Variants in DOCK3 observed in about 807,000 individuals in gnomAD.
DOCK3 encodes dedicator of cytokinesis 3.
A neutral mutation model predicts 265.6 loss-of-function variants in DOCK3; 60 were observed. The observed-to-expected ratio is 0.23, with a 90% CI of 0.18 to 0.28. The LOEUF (loss-of-function observed/expected upper bound fraction) is 0.28, where lower values mean the gene tolerates loss of function less well. Ranked by LOEUF, DOCK3 falls within the 10% of genes least tolerant of loss-of-function variation. The pLI is 1.00. For missense variants in DOCK3, 1,981 were observed against 2,594.3 expected (o/e 0.76, Z 5.14); for synonymous variants, 881 against 938.0 (o/e 0.94, Z 1.11).
At chr3:50,991,678 C>G (rs1405781233) in intron 5 of DOCK3, among the ~76,000 whole-genome samples, 1 of 152,088 alleles carries the variant, frequency 6.6e-6, no homozygotes, top group African/African-American at 2.4e-5. Context: ...TTAGACAGAT[C>G]ATTGAGGCAG....
In DOCK3 at chr3:50,707,697, G is replaced by A. The variant is rs145071312; in HGVS notation, c.37+32397G>A. On this transcript the variant is annotated intron_variant, in intron 1 of 52. Coordinates refer to ENST00000266037, the MANE Select transcript of DOCK3 (RefSeq NM_004947.5). ...GGGTCTGAGCTGGGTCAGTTCTTGG[G>A]CCTTCTGGTGTCATGCTCAGATGCT... Among the ~76,000 whole-genome samples the A allele has an allele frequency of 7.2e-4, 109 of 152,248 alleles. 2 individuals are homozygous for A. Among genetic ancestry groups the A allele is most frequent in the African/African-American group, 2.0e-3 (84 of 41,552 alleles).
At position 51,343,324 on chromosome 3, in the gene DOCK3, GGACT is replaced by G. The variant is rs367741690; in HGVS notation, c.3915+1941_3915+1944del. On this transcript the variant is annotated intron_variant, in intron 38 of 52. Coordinates refer to ENST00000266037, the MANE Select transcript of DOCK3 (RefSeq NM_004947.5). ...ACTACCCCCAAGAGCTGCCCCATAG[GGACT>G]GCTCATTTAGGTGATGATGGCCCCA... Among the ~76,000 whole-genome samples, 22 of 152,260 alleles carry G rather than the reference GGACT, an allele frequency of 1.4e-4. No homozygotes were observed. The East Asian group carries it at 3.7e-3, about 25-fold the overall frequency.
chr3:51,116,931 C>G (rs2083768619), intron 9 of DOCK3, among the ~76,000 whole-genome samples: 1 of 152,152 alleles, frequency 6.6e-6, no homozygotes, highest in Non-Finnish European at 1.5e-5. Flanking sequence ...GACTTCCTCT[C>G]TTTCCATTAG....
At chr3:51,171,094 A>G (rs549498457) in intron 12 of DOCK3, among the ~76,000 whole-genome samples, 1 of 151,288 alleles carries the variant, frequency 6.6e-6, no homozygotes, top group East Asian at 2.0e-4. Context: ...GTTAACTTTG[A>G]GCTTAGTTTG....
chr3:50,947,775 A>G (rs1024097303), intron 5 of DOCK3, among the ~76,000 whole-genome samples: 1 of 152,102 alleles, frequency 6.6e-6, no homozygotes, highest in Non-Finnish European at 1.5e-5. Context: ...GGAAGACTCA[A>G]TATGGTTAAG....
At chr3:51,002,376 T>C (rs111371307) in intron 5 of DOCK3, among the ~76,000 whole-genome samples, 1 of 152,304 alleles carries the variant, frequency 6.6e-6, no homozygotes, top group African/African-American at 2.4e-5. Flanking sequence ...TTGCAGATAT[T>C]TTCTCTTTGC....
At chr3:51,044,145 C>G (rs1210176849) in intron 5 of DOCK3, among the ~76,000 whole-genome samples, 1 of 152,112 alleles carries the variant, frequency 6.6e-6, no homozygotes, top group African/African-American at 2.4e-5. Context: ...CATTGTAGCA[C>G]TATTCACAAT....
At chr3:50,891,952 C>A (rs1433253619) in intron 4 of DOCK3, among the ~76,000 whole-genome samples, 1 of 152,036 alleles carries the variant, frequency 6.6e-6, no homozygotes. Context: ...AGTGATGTGG[C>A]TGTACATAAA....
chr3:51,043,735 GAAAA>G (rs922008656), intron 5 of DOCK3, among the ~76,000 whole-genome samples: 2 of 147,630 alleles, frequency 1.4e-5, no homozygotes, highest in African/African-American at 5.0e-5. Context: ...AAATTTACAA[GAAAA>G]AAAAACCCTT....
chr3:51,020,429 C>G (rs912161431), intron 5 of DOCK3, among the ~76,000 whole-genome samples: 1 of 151,766 alleles, frequency 6.6e-6, no homozygotes, highest in Non-Finnish European at 1.5e-5. Context: ...TGTCTGTTTA[C>G]TCTGATGATA....
At chr3:51,069,900 A>G (rs1413186717) in intron 6 of DOCK3, among the ~76,000 whole-genome samples, 1 of 152,222 alleles carries the variant, frequency 6.6e-6, no homozygotes, top group Non-Finnish European at 1.5e-5. Flanking sequence ...GATATTTTCC[A>G]GCGTTAGGAC....
chr3:50,975,097 T>A (rs905456717), intron 5 of DOCK3, among the ~76,000 whole-genome samples: 1 of 151,210 alleles, frequency 6.6e-6, no homozygotes, highest in African/African-American at 2.4e-5. Flanking sequence ...CAGGGACAAT[T>A]TGACTTCCTC....
chr3:50,871,328 T>TA (rs1486039145), intron 3 of DOCK3, among the ~76,000 whole-genome samples: 1 of 151,746 alleles, frequency 6.6e-6, no homozygotes, highest in Non-Finnish European at 1.5e-5. Flanking sequence ...GCACTTTAAA[T>TA]ATGTTATGCC....
intron 2 of DOCK3, chr3:50,787,938 T>C: frequency 1.9e-6 from 2 of 1,026,560 alleles, no homozygotes; most frequent in Non-Finnish European, 1.5e-6. Flanking sequence ...ATCTGCTCCC[T>C]TTTGTAAAAG....
At chr3:50,931,613 C>T (rs1422464000) in intron 4 of DOCK3, among the ~76,000 whole-genome samples, 1 of 152,220 alleles carries the variant, frequency 6.6e-6, no homozygotes, top group Non-Finnish European at 1.5e-5. Context: ...CATTAGCTTA[C>T]TCCTTTTCAT....
chr3:50,885,193 T>C (rs964961281), intron 3 of DOCK3, among the ~76,000 whole-genome samples: 1 of 152,200 alleles, frequency 6.6e-6, no homozygotes, highest in Non-Finnish European at 1.5e-5. Flanking sequence ...ATGCAGTTAA[T>C]GTTTTCCCCA....
chr3:50,815,061 G>A (rs539313828), intron 2 of DOCK3, among the ~76,000 whole-genome samples: 29 of 152,232 alleles, frequency 1.9e-4, no homozygotes, highest in African/African-American at 7.0e-4. Flanking sequence ...TTGACCTTGT[G>A]ATCTGCCTTC....
chr3:51,130,147 C>A (rs539844943), intron 9 of DOCK3, among the ~76,000 whole-genome samples: 1 of 152,322 alleles, frequency 6.6e-6, no homozygotes, highest in South Asian at 2.1e-4. Flanking sequence ...AGATTTATTT[C>A]CCATCCTCTG....
chr3:51,068,560 A>G (rs112123414), intron 6 of DOCK3, among the ~76,000 whole-genome samples: 4,652 of 82,650 alleles, frequency 0.056, 350 homozygotes, highest in African/African-American at 0.2. Context: ...AAAAAAAAAA[A>G]AAGAAGAAGA....
Sources: gnomAD v4.1 joint callset for allele counts (sites outside exome capture counted in the v4.1 genomes callset) on GRCh38, gnomAD v4.1.1 for gene constraint, MANE v1.5 for transcripts, NCBI Gene and HGNC (gene_info 2026-07-23, HGNC 2026-07-21) for gene names.